Variants in PTPRD observed in about 807,000 individuals in gnomAD.
PTPRD encodes protein tyrosine phosphatase receptor type D.
In PTPRD, 34 loss-of-function variants were observed where a neutral mutation model predicts 214.5. The ratio of observed to expected loss-of-function variants is 0.16; its 90% CI spans 0.12 to 0.21. The LOEUF is 0.21. PTPRD is among the 10% of genes least tolerant of loss of function. The pLI, the probability that PTPRD is intolerant of heterozygous loss-of-function variation, is 1.00. For missense variants in PTPRD, 2,545 were observed against 2,398.7 expected (o/e 1.06, Z -1.27); for synonymous variants, 1,128 against 845.7 (o/e 1.33, Z -5.79).
chr9:9,153,540 G>A (rs1215546513), intron 10 of PTPRD, among the ~76,000 whole-genome samples: 1 of 152,122 alleles, frequency 6.6e-6, no homozygotes, highest in East Asian at 1.9e-4. Flanking sequence ...ATAAGGTACA[G>A]AAATTAATGT....
At chr9:8,433,595 T>C (rs1251606627) in intron 35 of PTPRD, among the ~76,000 whole-genome samples, 2 of 152,166 alleles carry the variant, frequency 1.3e-5, no homozygotes, top group South Asian at 2.1e-4. Context: ...TGCATGTCTT[T>C]GCAACTTAGT....
At chr9:9,102,566 C>T (rs2099792840) in intron 10 of PTPRD, among the ~76,000 whole-genome samples, 2 of 152,230 alleles carry the variant, frequency 1.3e-5, no homozygotes, top group Admixed American at 6.5e-5. Flanking sequence ...AACAACTCGC[C>T]CTCGCATTGA....
intron 11 of PTPRD, among the ~76,000 whole-genome samples, chr9:8,922,967 G>C (rs2098838294): frequency 6.6e-6 from 1 of 150,996 alleles, no homozygotes; most frequent in Admixed American, 6.6e-5. Flanking sequence ...CTGGCCCAAA[G>C]ATTTTTCCTT....
At chr9:10,167,374 T>G (rs903933176) in intron 3 of PTPRD, among the ~76,000 whole-genome samples, 1 of 152,036 alleles carries the variant, frequency 6.6e-6, no homozygotes, top group African/African-American at 2.4e-5. Flanking sequence ...CAGAATGAAA[T>G]GGTAAAGTGC....
At chr9:9,064,482 T>A (rs889474933) in intron 10 of PTPRD, among the ~76,000 whole-genome samples, 7 of 152,142 alleles carry the variant, frequency 4.6e-5, no homozygotes, top group African/African-American at 1.7e-4. Flanking sequence ...AGCCATTTGA[T>A]TGATCTGATT....
At chr9:9,777,943 G>T (rs962109532) in intron 5 of PTPRD, among the ~76,000 whole-genome samples, 4 of 152,156 alleles carry the variant, frequency 2.6e-5, no homozygotes, top group African/African-American at 7.2e-5. Flanking sequence ...ATAGCAGAAA[G>T]AAAATGCTAG....
intron 39 of PTPRD, among the ~76,000 whole-genome samples, chr9:8,360,196 AGCCAATAAAGTACCATTGAATTAGGTAAG>A (rs1186628684): frequency 6.6e-6 from 1 of 152,356 alleles, no homozygotes; most frequent in Non-Finnish European, 1.5e-5. Context: ...GTCCCGTCAT[AGCCAATAAAGTACCATTGAATTAGGTAAG>A]GGTGACACAA....
At chr9:9,737,768 C>T (rs1412449612) in intron 6 of PTPRD, among the ~76,000 whole-genome samples, 3 of 152,020 alleles carry the variant, frequency 2.0e-5, no homozygotes, top group Admixed American at 6.6e-5. Flanking sequence ...CATTTTTTTG[C>T]TATTATGAAT....
intron 2 of PTPRD, among the ~76,000 whole-genome samples, chr9:10,452,355 G>A (rs1322145868): frequency 6.6e-6 from 1 of 151,628 alleles, no homozygotes; most frequent in East Asian, 1.9e-4. Flanking sequence ...GTGATTGATG[G>A]ATTTTACGGT....
At chr9:8,988,916 T>A (rs2099355815) in intron 11 of PTPRD, among the ~76,000 whole-genome samples, 1 of 152,144 alleles carries the variant, frequency 6.6e-6, no homozygotes, top group Non-Finnish European at 1.5e-5. Context: ...CATGAATGAA[T>A]GTAAATTGAC....
chr9:8,558,273 A>C (rs1034987599), intron 14 of PTPRD, among the ~76,000 whole-genome samples: 1 of 152,170 alleles, frequency 6.6e-6, no homozygotes, highest in Non-Finnish European at 1.5e-5. Context: ...CTTCCTCTAT[A>C]TCTTCTCTCC....
At position 8,619,501 on chromosome 9, in the gene PTPRD, A is replaced by G. The variant is rs547099389; in HGVS notation, c.352+13816T>C. Among the ~76,000 whole-genome samples, 166 of 152,144 alleles carry G rather than the reference A, an allele frequency of 1.1e-3. 3 individuals are homozygous for G. The highest frequency in any genetic ancestry group is 3.9e-3 in the African/African-American group (160 of 41,540). On this transcript the variant is annotated intron_variant, in intron 14 of 45. Transcript: ENST00000381196. ...TTACCATAATATTTTACAAGATATAAAGAGGTATAACAACCAAATGCATTA... is the reference window on the plus strand; with the variant it reads ...TTACCATAATATTTTACAAGATATAGAGAGGTATAACAACCAAATGCATTA...
chr9:10,023,124 A>C (rs2096855605), intron 4 of PTPRD, among the ~76,000 whole-genome samples: 1 of 152,204 alleles, frequency 6.6e-6, no homozygotes, highest in Non-Finnish European at 1.5e-5. Context: ...ATTATAAGCA[A>C]AACTTATTTA....
At position 8,492,916 on chromosome 9, in the gene PTPRD, T is replaced by A; in HGVS notation, c.2413A>T (p.Thr805Ser). Residue 805 changes from threonine (T) to serine (S), a missense_variant, in exon 27 of 46, where the codon ACC becomes TCC. By Grantham distance (58) the Thr-to-Ser change is moderately conservative (BLOSUM62 1). Transcript: ENST00000381196. ...SYSLTVTAYT[T>S]KGDGARSKPK... Reference sequence around the variant, plus strand: ...TTGCTGCGAGCACCATCTCCTTTGGTTGTGTAGGCTGTGACGGTGAGGGAG... The same window carrying A: ...TTGCTGCGAGCACCATCTCCTTTGGATGTGTAGGCTGTGACGGTGAGGGAG... The A allele has an allele frequency of 6.2e-7, 1 of 1,613,848 alleles. No homozygotes were observed. Among genetic ancestry groups the A allele is most frequent in the Non-Finnish European group, 8.5e-7 (1 of 1,179,834 alleles).
At chr9:10,610,347 C>A (rs1457001113) in intron 2 of PTPRD, among the ~76,000 whole-genome samples, 1 of 152,128 alleles carries the variant, frequency 6.6e-6, no homozygotes, top group Non-Finnish European at 1.5e-5. Context: ...ATGTTACTTA[C>A]AAATATTTGC....
chr9:8,592,394 G>C (rs1208741060), intron 14 of PTPRD, among the ~76,000 whole-genome samples: 2 of 152,140 alleles, frequency 1.3e-5, no homozygotes, highest in Non-Finnish European at 2.9e-5. Flanking sequence ...AGTGCATATG[G>C]CCTATAGGGA....
chr9:8,501,302 T>C (rs777355811), intron 23 of PTPRD, among the ~76,000 whole-genome samples: 18 of 152,152 alleles, frequency 1.2e-4, no homozygotes, highest in Admixed American at 2.6e-4. Context: ...GGGGAATATG[T>C]GAAAATGAGA....
At chr9:10,383,266 T>G (rs2097854799) in intron 2 of PTPRD, among the ~76,000 whole-genome samples, 1 of 151,894 alleles carries the variant, frequency 6.6e-6, no homozygotes, top group African/African-American at 2.4e-5. Context: ...CAAACACTAG[T>G]TAAACATCAA....
chr9:9,434,491 A>G (rs2084419518), intron 8 of PTPRD, among the ~76,000 whole-genome samples: 2 of 152,212 alleles, frequency 1.3e-5, no homozygotes. Flanking sequence ...CAATGACAAT[A>G]CCAACTTCTT....
Sources: allele counts gnomAD v4.1 joint callset (sites outside exome capture counted in the v4.1 genomes callset), GRCh38; gene constraint gnomAD v4.1.1; transcripts MANE v1.5; gene names NCBI Gene and HGNC (gene_info 2026-07-23, HGNC 2026-07-21).